Variants in SLC39A11 observed in about 807,000 individuals in gnomAD.
SLC39A11 encodes solute carrier family 39 member 11, also known as zinc transporter ZIP11.
SLC39A11 carries 33 observed loss-of-function variants against 36.1 expected under a neutral mutation model. The ratio of observed to expected loss-of-function variants is 0.91; its 90% CI spans 0.69 to 1.22. SLC39A11 has a LOEUF of 1.22. Among genes scored for constraint, SLC39A11 ranks in the 50% most tolerant of loss-of-function variants. The probability of loss-of-function intolerance (pLI) is 0.00; values close to 1 mark genes in which losing one functional copy is unlikely to be tolerated. For missense variants in SLC39A11, 432 were observed against 430.3 expected (o/e 1.00, Z -0.03); for synonymous variants, 166 against 170.3 (o/e 0.97, Z 0.20).
At chr17:73,044,370 G>A (rs979178818) in intron 3 of SLC39A11, among the ~76,000 whole-genome samples, 1 of 152,120 alleles carries the variant, frequency 6.6e-6, no homozygotes, top group African/African-American at 2.4e-5. Context: ...GCAATAAAAG[G>A]GAACAAACTA....
intron 4 of SLC39A11, among the ~76,000 whole-genome samples, chr17:72,957,696 G>C (rs974941112): frequency 6.6e-6 from 1 of 152,092 alleles, no homozygotes; most frequent in African/African-American, 2.4e-5. Context: ...GTGCACACTT[G>C]TAGTCCCAGC....
chr17:72,953,445 C>T (rs1455821794), intron 4 of SLC39A11, among the ~76,000 whole-genome samples: 2 of 152,148 alleles, frequency 1.3e-5, no homozygotes, highest in Admixed American at 6.5e-5. Flanking sequence ...ACCAAAAAGG[C>T]TGCACAAAAC....
At chr17:73,049,535 T>G (rs2059426289) in intron 3 of SLC39A11, among the ~76,000 whole-genome samples, 1 of 152,216 alleles carries the variant, frequency 6.6e-6, no homozygotes, top group Non-Finnish European at 1.5e-5. Context: ...AAGAACCCTG[T>G]GCCAAGATGC....
intron 6 of SLC39A11, among the ~76,000 whole-genome samples, chr17:72,769,011 C>T (rs1350131921): frequency 3.3e-5 from 5 of 152,168 alleles, no homozygotes; most frequent in Non-Finnish European, 5.9e-5. Context: ...CCACCCACTT[C>T]GGCCTCCCAA....
At chr17:72,685,910 C>T (rs899217552) in intron 7 of SLC39A11, among the ~76,000 whole-genome samples, 1 of 152,044 alleles carries the variant, frequency 6.6e-6, no homozygotes, top group Non-Finnish European at 1.5e-5. Flanking sequence ...GTGGTATACG[C>T]CTATAATCCC....
intron 4 of SLC39A11, among the ~76,000 whole-genome samples, chr17:73,004,901 A>G (rs2090096989): frequency 6.6e-6 from 1 of 152,258 alleles, no homozygotes; most frequent in Non-Finnish European, 1.5e-5. Context: ...AGGCAGGACC[A>G]GCAGACACTG....
chr17:72,903,278 A>G (rs2082488761), intron 5 of SLC39A11, among the ~76,000 whole-genome samples: 1 of 151,290 alleles, frequency 6.6e-6, no homozygotes, highest in Admixed American at 6.6e-5. Flanking sequence ...AAAGAAAAAA[A>G]AAAAAAAAAA....
chr17:72,985,507 G>A (rs1201855387), intron 4 of SLC39A11, among the ~76,000 whole-genome samples: 2 of 138,718 alleles, frequency 1.4e-5, no homozygotes, highest in African/African-American at 5.5e-5. Flanking sequence ...CCACCTCCCA[G>A]GTTCAAGCAA....
intron 4 of SLC39A11, among the ~76,000 whole-genome samples, chr17:72,955,531 A>T (rs1265685032): frequency 7.1e-6 from 1 of 141,238 alleles, no homozygotes; most frequent in Non-Finnish European, 1.5e-5. Flanking sequence ...CTGGTCTCAC[A>T]CTCCTGACCT....
chr17:73,061,158 G>A lies in SLC39A11; in HGVS notation c.147+23650C>T, dbSNP rs557894360. ...AGGCAGATCCCAAGGTCAGGAGTTC[G>A]AGACCAACCTGGCCAACATGGTGAA... On this transcript the variant is annotated intron_variant, in intron 3 of 9. Coordinates refer to ENST00000255559, the MANE Select transcript of SLC39A11 (RefSeq NM_139177.4). 1.6e-4 allele frequency among the ~76,000 whole-genome samples: 25 copies of A among 152,184 alleles called. No homozygotes were observed. The Middle Eastern group carries it at 0.014, about 83-fold the overall frequency.
chr17:72,936,387 G>A (rs557977175), intron 5 of SLC39A11, among the ~76,000 whole-genome samples: 42 of 120,748 alleles, frequency 3.5e-4, no homozygotes, highest in African/African-American at 1.2e-3. Context: ...TACAGGTTAT[G>A]GCAGTATCTC....
intron 9 of SLC39A11, among the ~76,000 whole-genome samples, 156 bp downstream of exon 9, chr17:72,648,647 A>G (rs1381458782): frequency 6.6e-6 from 1 of 151,912 alleles, no homozygotes. Flanking sequence ...AGTTTCAGAG[A>G]GCACAGTTGA....
chr17:72,834,719 G>A (rs1401613439), intron 6 of SLC39A11, among the ~76,000 whole-genome samples: 2 of 152,052 alleles, frequency 1.3e-5, no homozygotes, highest in East Asian at 3.8e-4. Context: ...AAAGACAACT[G>A]GAAGTTATTG....
At chr17:72,716,692 G>A (rs530878082) in intron 7 of SLC39A11, among the ~76,000 whole-genome samples, 7 of 152,260 alleles carry the variant, frequency 4.6e-5, no homozygotes, top group Non-Finnish European at 7.4e-5. Flanking sequence ...CTCAGAGCCC[G>A]GTGTGGTGGC....
chr17:72,665,605 C>A (rs1415717968), intron 7 of SLC39A11, among the ~76,000 whole-genome samples: 1 of 151,790 alleles, frequency 6.6e-6, no homozygotes, highest in Non-Finnish European at 1.5e-5. Flanking sequence ...CCCGGCTTGT[C>A]TTGAATTCCT....
chr17:72,854,580 T>G (rs12452435), intron 5 of SLC39A11, among the ~76,000 whole-genome samples: 1 of 152,104 alleles, frequency 6.6e-6, no homozygotes, highest in East Asian at 1.9e-4. Flanking sequence ...TATTTACCCA[T>G]GCTAAGCCCA....
At chr17:72,807,215 G>T (rs1461983780) in intron 6 of SLC39A11, among the ~76,000 whole-genome samples, 1 of 152,062 alleles carries the variant, frequency 6.6e-6, no homozygotes, top group Non-Finnish European at 1.5e-5. Context: ...TGTGACCTCT[G>T]CATTGTTTCT....
chr17:72,677,426 G>T (rs2071317649), intron 7 of SLC39A11, among the ~76,000 whole-genome samples: 2 of 152,216 alleles, frequency 1.3e-5, no homozygotes, highest in African/African-American at 2.4e-5. Flanking sequence ...CGGGTCAGGA[G>T]ATGGGACATT....
chr17:72,914,860 T>C (rs2083241533), intron 5 of SLC39A11, among the ~76,000 whole-genome samples: 1 of 114,896 alleles, frequency 8.7e-6, no homozygotes, highest in African/African-American at 2.7e-5. Context: ...AGAGCCAGAC[T>C]CTGTCTCATA....
Sources: allele counts gnomAD v4.1 joint callset (sites outside exome capture counted in the v4.1 genomes callset), GRCh38; gene constraint gnomAD v4.1.1; transcripts MANE v1.5; gene names NCBI Gene and HGNC (gene_info 2026-07-23, HGNC 2026-07-21).